MAD1L1: variants seen among roughly 807,000 people sequenced by gnomAD.
MAD1L1 encodes the protein mitotic arrest deficient 1 like 1.
MAD1L1 carries 95 observed loss-of-function variants against 96.9 expected under a neutral mutation model. The ratio of observed to expected loss-of-function variants is 0.98; its 90% CI spans 0.83 to 1.16. The LOEUF is 1.16. Ranked by LOEUF, MAD1L1 falls within the 50% of genes most tolerant of loss-of-function variation. MAD1L1 has a pLI of 0.00. For missense variants in MAD1L1, 1,007 were observed against 954.4 expected (o/e 1.06, Z -0.73); for synonymous variants, 473 against 396.6 (o/e 1.19, Z -2.29).
chr7:2,042,598 G>A (rs1386210873), intron 12 of MAD1L1, among the ~76,000 whole-genome samples: 1 of 152,184 alleles, frequency 6.6e-6, no homozygotes, highest in African/African-American at 2.4e-5. Context: ...GGAGGTGTTG[G>A]ATTATGAGGG....
chr7:1,957,680 C>T lies in MAD1L1; in HGVS notation c.1545G>A (p.Leu515=), dbSNP rs1207831335. ...VEELEGERSR[L]EEEKRMLEAQ... ...CCTCCAGCATCCTCTTTTCCTCCTC[C>T]AGCCGACTCCGCTCGCCTTCCAGCT... The change falls in exon 16 of 19, where the codon CTG becomes CTA. Residue 515 remains leucine (L), a synonymous_variant. Transcript: ENST00000265854. The T allele has an allele frequency of 8.7e-6, 14 of 1,614,164 alleles. No homozygotes were observed. Among genetic ancestry groups the T allele is most frequent in the East Asian group, 4.5e-5 (2 of 44,876 alleles).
intron 18 of MAD1L1, among the ~76,000 whole-genome samples, chr7:1,824,437 C>T (rs7787862): frequency 1.4e-3 from 213 of 152,332 alleles, no homozygotes; most frequent in African/African-American, 5.0e-3. Context: ...AGGGGAGACA[C>T]AGAGCACAGT....
intron 16 of MAD1L1, among the ~76,000 whole-genome samples, chr7:1,954,805 C>T (rs570969409): frequency 1.7e-4 from 26 of 152,316 alleles, no homozygotes; most frequent in South Asian, 4.1e-4. Context: ...AGCCACCGTC[C>T]GTGGGTGCCC....
chr7:2,054,302 G>C (rs899136719), intron 12 of MAD1L1, among the ~76,000 whole-genome samples: 3 of 152,240 alleles, frequency 2.0e-5, no homozygotes, highest in Non-Finnish European at 4.4e-5. Flanking sequence ...AGGCAGAGAC[G>C]GCGGTCGGGC....
At chr7:1,992,806 G>C (rs1043741320) in intron 14 of MAD1L1, among the ~76,000 whole-genome samples, 2 of 152,182 alleles carry the variant, frequency 1.3e-5, no homozygotes, top group Non-Finnish European at 2.9e-5. Context: ...GGATGGCATG[G>C]GCTCTACGTC....
At chr7:2,167,256 A>C (rs1790474799) in intron 10 of MAD1L1, among the ~76,000 whole-genome samples, 1 of 152,216 alleles carries the variant, frequency 6.6e-6, no homozygotes, top group Admixed American at 6.5e-5. Context: ...ACCTTTAGTC[A>C]TGATTAGCAG....
chr7:1,838,197 G>A (rs1783039156), intron 18 of MAD1L1, among the ~76,000 whole-genome samples: 1 of 152,192 alleles, frequency 6.6e-6, no homozygotes. Flanking sequence ...CGCAGCCCCT[G>A]GGATGGAAAA....
intron 15 of MAD1L1, among the ~76,000 whole-genome samples, chr7:1,970,524 G>A (rs1209611461): frequency 1.3e-5 from 2 of 151,918 alleles, no homozygotes; most frequent in African/African-American, 4.8e-5. Context: ...AGTAGAGACG[G>A]GGTTTCGCTA....
chr7:2,080,881 G>A (rs1341873049), intron 11 of MAD1L1, among the ~76,000 whole-genome samples: 1 of 152,240 alleles, frequency 6.6e-6, no homozygotes, highest in African/African-American at 2.4e-5. Context: ...GGGGAGAGTG[G>A]CATTCCAGGG....
intron 11 of MAD1L1, among the ~76,000 whole-genome samples, chr7:2,147,818 T>A (rs1018444210): frequency 2.0e-5 from 3 of 152,238 alleles, no homozygotes; most frequent in Non-Finnish European, 4.4e-5. Context: ...ATGGGCAGCA[T>A]GCAGATGCGA....
intron 17 of MAD1L1, among the ~76,000 whole-genome samples, chr7:1,920,615 G>A (rs377323029): frequency 9.2e-5 from 14 of 152,338 alleles, no homozygotes; most frequent in African/African-American, 3.4e-4. Context: ...CCAGATGGAA[G>A]GAGTAAGACC....
chr7:2,047,671 C>A (rs918926451), intron 12 of MAD1L1, among the ~76,000 whole-genome samples: 1 of 152,228 alleles, frequency 6.6e-6, no homozygotes. Flanking sequence ...CAGATGCACA[C>A]ACATGTGCGC....
At chr7:1,986,351 ACACGCCAGTCCAGCTTGGAACC>A in intron 14 of MAD1L1, among the ~76,000 whole-genome samples, 1 of 151,742 alleles carries the variant, frequency 6.6e-6, no homozygotes, top group East Asian at 1.9e-4. Context: ...GCTTGGAACC[ACACGCCAGTCCAGCTTGGAACC>A]ACACGCCAGT....
At chr7:2,004,340 C>T (rs1781934317) in intron 13 of MAD1L1, among the ~76,000 whole-genome samples, 1 of 152,240 alleles carries the variant, frequency 6.6e-6, no homozygotes, top group Non-Finnish European at 1.5e-5. Flanking sequence ...TCCATGTCCG[C>T]CACACCCGGC....
chr7:1,820,099 T>A, intron 18 of MAD1L1, among the ~76,000 whole-genome samples: 1 of 152,126 alleles, frequency 6.6e-6, no homozygotes, highest in East Asian at 1.9e-4. Flanking sequence ...GCCACACCAG[T>A]GGACATCAAA....
intron 12 of MAD1L1, among the ~76,000 whole-genome samples, chr7:2,066,416 G>A (rs1784876802): frequency 6.6e-6 from 1 of 152,240 alleles, no homozygotes; most frequent in African/African-American, 2.4e-5. Context: ...CCCTGGCCTG[G>A]GGCTACACGG....
intron 17 of MAD1L1, among the ~76,000 whole-genome samples, chr7:1,921,360 C>T (rs2128456571): frequency 6.6e-6 from 1 of 151,380 alleles, no homozygotes; most frequent in East Asian, 1.9e-4. Context: ...TCTCTGTTGC[C>T]CAGGCTGGAG....
intron 10 of MAD1L1, chr7:2,202,092 C>G (rs1792339992): frequency 6.5e-6 from 1 of 152,708 alleles, no homozygotes; most frequent in Non-Finnish European, 1.5e-5. Flanking sequence ...CCATACATCA[C>G]CACCAACTGC....
chr7:1,943,112 C>T (rs188130692), intron 16 of MAD1L1, among the ~76,000 whole-genome samples: 209 of 152,312 alleles, frequency 1.4e-3, no homozygotes, highest in Non-Finnish European at 2.3e-3. Context: ...CCACCATAAA[C>T]AAAAACTAAG....
Sources: gnomAD v4.1 joint callset for allele counts (sites outside exome capture counted in the v4.1 genomes callset) on GRCh38, gnomAD v4.1.1 for gene constraint, MANE v1.5 for transcripts, NCBI Gene and HGNC (gene_info 2026-07-23, HGNC 2026-07-21) for gene names.